Variants in ABCB5 observed in about 807,000 individuals in gnomAD.
The protein encoded by ABCB5 is ATP-binding cassette sub-family B member 5.
ABCB5 carries 155 observed loss-of-function variants against 144.2 expected under a neutral mutation model. That is an observed-to-expected ratio of 1.08 (90% CI 0.94 to 1.23). The LOEUF (loss-of-function observed/expected upper bound fraction) is 1.23. ABCB5 is among the 50% of genes most tolerant of loss of function. The probability of loss-of-function intolerance (pLI) is 0.00; values close to 1 mark genes in which losing one functional copy is unlikely to be tolerated. For synonymous variants in ABCB5, 610 were observed against 528.6 expected (o/e 1.15, Z -2.11); for missense variants, 1,830 against 1,520.8 (o/e 1.20, Z -3.38).
At chr7:20,674,329 A>G (rs1229050598) in intron 14 of ABCB5, among the ~76,000 whole-genome samples, 13 of 151,900 alleles carry the variant, frequency 8.6e-5, no homozygotes, top group Admixed American at 7.2e-4. Flanking sequence ...TTCAGCTGTC[A>G]TATGTTTTTG....
Position 20,643,471 on chromosome 7 carries a change from A to G in ABCB5, c.517A>G (p.Lys173Glu). The G allele has an allele frequency of 6.2e-7, 1 of 1,614,038 alleles. No individual in the cohort carries two copies. The highest frequency in any genetic ancestry group is 1.1e-5 in the South Asian group (1 of 91,092). ...LNTRMTDDID[K>E]ISDGIGDKIA... is the part of the protein sequence containing the mutation. Reference sequence around the variant, plus strand: ...ATTTGCTTGTTTCAGTGACATTGACAAAATCAGTGATGGTATTGGAGATAA... The same window carrying G: ...ATTTGCTTGTTTCAGTGACATTGACGAAATCAGTGATGGTATTGGAGATAA... The change falls in exon 7 of 28, where the codon AAA becomes GAA. Residue 173 changes from lysine (K) to glutamate (E), a missense_variant. Lys to Glu is a moderately conservative substitution (Grantham distance 56). Transcript: ENST00000404938.
At chr7:20,630,002 T>G (rs1350512784) in intron 4 of ABCB5, among the ~76,000 whole-genome samples, 1 of 152,166 alleles carries the variant, frequency 6.6e-6, no homozygotes, top group Admixed American at 6.5e-5. Flanking sequence ...TGTTTTCATA[T>G]TGCTCTTATC....
chr7:20,640,353 G>A (rs928452693), intron 5 of ABCB5, among the ~76,000 whole-genome samples: 1 of 152,066 alleles, frequency 6.6e-6, no homozygotes, highest in African/African-American at 2.4e-5. Flanking sequence ...CTTTATGTGT[G>A]CTTTTTTTTA....
chr7:20,678,268 A>G (rs1785677688), intron 14 of ABCB5, among the ~76,000 whole-genome samples: 2 of 152,178 alleles, frequency 1.3e-5, no homozygotes, highest in Non-Finnish European at 2.9e-5. Flanking sequence ...TTAATAGCCA[A>G]TGCTTTGGGA....
At chr7:20,676,167 T>TACATAC (rs1785598536) in intron 14 of ABCB5, among the ~76,000 whole-genome samples, 1 of 124,524 alleles carries the variant, frequency 8.0e-6, no homozygotes, top group Non-Finnish European at 1.7e-5. Flanking sequence ...CTACTACACA[T>TACATAC]ACACACACAC....
intron 20 of ABCB5, among the ~76,000 whole-genome samples, chr7:20,719,921 ATG>A (rs1286748843): frequency 6.8e-6 from 1 of 146,448 alleles, no homozygotes; most frequent in South Asian, 2.3e-4. Context: ...ATAGATGTAA[ATG>A]TGTGTTTGTA....
chr7:20,733,819 T>C (rs1020693455), intron 23 of ABCB5, among the ~76,000 whole-genome samples: 1 of 152,078 alleles, frequency 6.6e-6, no homozygotes, highest in Non-Finnish European at 1.5e-5. Flanking sequence ...CTGCATGTTT[T>C]GGTGGAGACC....
intron 14 of ABCB5, among the ~76,000 whole-genome samples, chr7:20,668,319 G>A (rs1329928048): frequency 6.8e-6 from 1 of 146,882 alleles, no homozygotes; most frequent in Non-Finnish European, 1.5e-5. Context: ...GAAGTGAGGA[G>A]CGTCTCTGCC....
intron 2 of ABCB5, among the ~76,000 whole-genome samples, chr7:20,626,356 A>T (rs1396148975): frequency 1.3e-5 from 2 of 152,330 alleles, no homozygotes; most frequent in African/African-American, 4.8e-5. Flanking sequence ...TCTCCTCCAG[A>T]CACGTCTTCA....
At chr7:20,736,511 C>T (rs2128053648) in intron 23 of ABCB5, among the ~76,000 whole-genome samples, 1 of 152,314 alleles carries the variant, frequency 6.6e-6, no homozygotes, top group African/African-American at 2.4e-5. Context: ...CCACTGCACA[C>T]AGCTCCTGTT....
At chr7:20,675,905 A>C (rs1038509867) in intron 14 of ABCB5, among the ~76,000 whole-genome samples, 7 of 152,144 alleles carry the variant, frequency 4.6e-5, no homozygotes, top group African/African-American at 1.7e-4. Flanking sequence ...AATGGCCAAC[A>C]AGTACGTGAA....
intron 14 of ABCB5, chr7:20,666,937 C>A: frequency 8.4e-7 from 1 of 1,188,946 alleles, no homozygotes; most frequent in South Asian, 2.4e-5. Context: ...CTGCCAAAAT[C>A]TCTTCTGTGT....
intron 1 of ABCB5, among the ~76,000 whole-genome samples, chr7:20,621,145 A>C (rs150952796): frequency 6.5e-4 from 99 of 152,258 alleles, no homozygotes; most frequent in Middle Eastern, 3.4e-3. Context: ...CAAAAGAAAA[A>C]ATATTGTATG....
intron 5 of ABCB5, among the ~76,000 whole-genome samples, chr7:20,633,757 C>T (rs1784090807): frequency 6.6e-6 from 1 of 152,066 alleles, no homozygotes; most frequent in African/African-American, 2.4e-5. Context: ...ACAAATATCT[C>T]CTTATCCCTT....
intron 5 of ABCB5, among the ~76,000 whole-genome samples, chr7:20,639,448 C>T (rs1473787544): frequency 6.6e-6 from 1 of 152,270 alleles, no homozygotes; most frequent in Admixed American, 6.5e-5. Flanking sequence ...TTTTCCTTTA[C>T]ATTTTCCTGT....
chr7:20,755,338 G>C (rs566210247), intron 27 of ABCB5, 89 bp from the exon 28 acceptor site: 2 of 1,144,294 alleles, frequency 1.7e-6, no homozygotes, highest in African/African-American at 3.1e-5. Flanking sequence ...AAGCAAAGAA[G>C]GTTATTAGAC....
intron 16 of ABCB5, among the ~76,000 whole-genome samples, chr7:20,691,719 G>C (rs1786238268): frequency 6.6e-6 from 1 of 151,960 alleles, no homozygotes; most frequent in Admixed American, 6.6e-5. Flanking sequence ...ATTAGTCCTA[G>C]ACTAAACTCT....
intron 21 of ABCB5, among the ~76,000 whole-genome samples, chr7:20,724,199 CTTATTTAT>C (rs10642660): frequency 6.7e-6 from 1 of 149,216 alleles, no homozygotes; most frequent in African/African-American, 2.5e-5. Flanking sequence ...TTTTTCTTGT[CTTATTTAT>C]TTATTTATTT....
chr7:20,699,802 G>T, intron 17 of ABCB5, 23 bp from the exon 18 acceptor site: 2 of 1,503,222 alleles, frequency 1.3e-6, no homozygotes, highest in Non-Finnish European at 1.8e-6. Context: ...CCAAACACCT[G>T]ATAAAAATCT....
Sources: gnomAD v4.1 joint callset for allele counts (sites outside exome capture counted in the v4.1 genomes callset) on GRCh38, gnomAD v4.1.1 for gene constraint, MANE v1.5 for transcripts, NCBI Gene and HGNC (gene_info 2026-07-23, HGNC 2026-07-21) for gene names.